Variants in GLE1 observed in about 807,000 individuals in gnomAD.
GLE1 encodes GLE1 RNA export mediator, also known as mRNA export factor GLE1.
GLE1 carries 78 observed loss-of-function variants against 97.3 expected under a neutral mutation model. That is an observed-to-expected ratio of 0.80 (90% CI 0.67 to 0.97). GLE1 has a LOEUF of 0.97. GLE1 is among the 50% of genes least tolerant of loss of function. The pLI is 0.00. For synonymous variants in GLE1, 302 were observed against 313.4 expected (o/e 0.96, Z 0.39); for missense variants, 753 against 857.5 (o/e 0.88, Z 1.52).
chr9:128,541,208 A>C lies in GLE1; in HGVS notation c.*38A>C. The C allele has an allele frequency of 8.8e-7, 1 of 1,140,570 alleles. No homozygotes were observed. Among genetic ancestry groups the C allele is most frequent in the South Asian group, 1.2e-5 (1 of 81,676 alleles). 70.7% of individuals were successfully genotyped at this position (1,140,570 alleles called of 1,614,324 possible). A position where few individuals can be genotyped will look rare whatever the true frequency, so the allele number is the denominator to read the frequency against. ...ACCCACCATCACCGCTGCTGCAAAG[A>C]GGCAATAATAAAGGAACTGAAGACA... On this transcript the variant is annotated 3_prime_UTR_variant, in exon 16 of 16. Transcript: ENST00000309971.
chr9:128,526,865 T>G (rs1847315078), intron 7 of GLE1, among the ~76,000 whole-genome samples: 1 of 152,130 alleles, frequency 6.6e-6, no homozygotes, highest in South Asian at 2.1e-4. Flanking sequence ...AGATGGGATT[T>G]CACCATGTTG....
intron 1 of GLE1, 127 bp downstream of exon 1, chr9:128,505,031 T>A: frequency 1.4e-6 from 1 of 699,290 alleles, no homozygotes. Flanking sequence ...ATTTCTTGAC[T>A]TCTGTGTGTA....
rs117416519 is a variant in GLE1 at position 128,515,114 on chromosome 9, C to T, written c.322-415C>T. Among the ~76,000 whole-genome samples, 1,465 of 152,248 alleles carry T rather than the reference C, an allele frequency of 9.6e-3. 32 individuals are homozygous for T. Among genetic ancestry groups the T allele is most frequent in the East Asian group, 0.073 (380 of 5,174 alleles). ...GATTACAGGCGTGAGCCACCACACC[C>T]GGCCTGAGGATAGAGTACTTTGATA... On this transcript the variant is annotated intron_variant, in intron 2 of 15. Coordinates refer to ENST00000309971, the MANE Select transcript of GLE1 (RefSeq NM_001003722.2).
chr9:128,537,056 G>A (rs908620986), intron 12 of GLE1: 1 of 156,802 alleles, frequency 6.4e-6, no homozygotes, highest in African/African-American at 2.4e-5. Context: ...TAAATAAAAT[G>A]TCAATAAGGC....
chr9:128,537,445 C>A (rs1589076778), intron 12 of GLE1, among the ~76,000 whole-genome samples: 1 of 109,470 alleles, frequency 9.1e-6, no homozygotes, highest in African/African-American at 3.8e-5. Flanking sequence ...AAGAGCAAAA[C>A]TCTCCCTCAA....
In GLE1 at chr9:128,541,135, A is replaced by G; in HGVS notation, c.2062A>G (p.Lys688Glu). The G allele has an allele frequency of 6.3e-7, 1 of 1,595,440 alleles. No homozygotes were observed. The change falls in exon 16 of 16, where the codon AAG becomes GAG. Residue 688 changes from lysine to glutamate, a missense_variant. By Grantham distance (56) the Lys-to-Glu change is moderately conservative. Coordinates refer to ENST00000309971, the MANE Select transcript of GLE1 (RefSeq NM_001003722.2). The stretch of plus-strand genomic sequence containing the variant: ...GCAACACAAGGACATTCCTGTCCCC[A>G]AGGGCTTTCTGACTTCCTCCTTCTG... ...CLQHKDIPVP[K>E]GFLTSSFWRS
chr9:128,512,996 G>C (rs974481152), intron 2 of GLE1, among the ~76,000 whole-genome samples: 1 of 152,092 alleles, frequency 6.6e-6, no homozygotes, highest in Non-Finnish European at 1.5e-5. Context: ...GAGCCACTGC[G>C]CCTGGCCTAA....
At chr9:128,540,419 G>A (rs1237569716) in intron 15 of GLE1, 81 bp downstream of exon 15, 7 of 855,824 alleles carry the variant, frequency 8.2e-6, no homozygotes, top group African/African-American at 1.7e-5. Context: ...TGGACCTTCC[G>A]ATGCTCTGAT....
At chr9:128,532,308 TG>T (rs1193271036) in intron 9 of GLE1, among the ~76,000 whole-genome samples, 1 of 141,822 alleles carries the variant, frequency 7.1e-6, no homozygotes, top group Non-Finnish European at 1.5e-5. Context: ...CACTGTAACC[TG>T]CGCTTCCTGG....
chr9:128,515,120 G>C (rs1846943519), intron 2 of GLE1, among the ~76,000 whole-genome samples: 1 of 152,058 alleles, frequency 6.6e-6, no homozygotes, highest in African/African-American at 2.4e-5. Flanking sequence ...CACCCGGCCT[G>C]AGGATAGAGT....
At chr9:128,526,581 A>C (rs1847305954) in intron 7 of GLE1, among the ~76,000 whole-genome samples, 1 of 150,786 alleles carries the variant, frequency 6.6e-6, no homozygotes, top group African/African-American at 2.4e-5. Context: ...CTGGTTTCGA[A>C]CTCCCGACCT....
At chr9:128,519,656 T>G (rs1280800382) in intron 3 of GLE1, among the ~76,000 whole-genome samples, 2 of 152,230 alleles carry the variant, frequency 1.3e-5, no homozygotes, top group African/African-American at 4.8e-5. Context: ...GGTCCTGTGG[T>G]CCTGTGGTCC....
intron 2 of GLE1, among the ~76,000 whole-genome samples, chr9:128,514,506 G>A (rs1235512446): frequency 2.1e-5 from 3 of 144,762 alleles, no homozygotes; most frequent in Admixed American, 1.4e-4. Context: ...GCAGTCGTAC[G>A]ATCTCTGCGC....
chr9:128,538,594 C>T (rs1425816691), intron 13 of GLE1, among the ~76,000 whole-genome samples: 2 of 152,128 alleles, frequency 1.3e-5, no homozygotes, highest in Non-Finnish European at 2.9e-5. Flanking sequence ...GTCATGAGTT[C>T]AAGACGAGCC....
intron 2 of GLE1, among the ~76,000 whole-genome samples, chr9:128,514,568 G>A (rs113858892): frequency 5.3e-5 from 8 of 150,016 alleles, no homozygotes; most frequent in African/African-American, 9.8e-5. Flanking sequence ...TCAGCCTCCC[G>A]AGTAGCTGGG....
intron 2 of GLE1, among the ~76,000 whole-genome samples, chr9:128,514,806 T>TG (rs1846932376): frequency 6.6e-6 from 1 of 151,810 alleles, no homozygotes. Flanking sequence ...CCCAAAGTGC[T>TG]GGGGAAAAAG....
rs765678276 is a variant in GLE1, at chr9:128,508,986, G to T, written c.210G>T (p.Ser70=). Reference sequence around the variant, plus strand: ...AGAACCAACCTCTGTCTGAGACTTCGCCATCCTCTACGTCAGCTTCAGCCC... The same window carrying T: ...AGAACCAACCTCTGTCTGAGACTTCTCCATCCTCTACGTCAGCTTCAGCCC... ...MQENQPLSET[S]PSSTSASALD... Residue 70 remains serine, a synonymous_variant, in exon 2 of 16, where the codon TCG becomes TCT. Transcript: ENST00000309971. 1 of 1,611,108 alleles carries T rather than the reference G, an allele frequency of 6.2e-7. No homozygotes were observed. Among genetic ancestry groups the T allele is most frequent in the Non-Finnish European group, 8.5e-7 (1 of 1,177,800 alleles).
Position 128,527,241 on chromosome 9 carries a change from A to G in GLE1, c.1192A>G (p.Met398Val), listed in dbSNP as rs1274248245. 36 of 1,611,818 alleles carry G rather than the reference A, an allele frequency of 2.2e-5. No homozygotes were observed. The highest frequency in any genetic ancestry group is 2.8e-5 in the Non-Finnish European group (33 of 1,177,984). ...QWYQQLQDAS[M>V]QCVLTFEGLT... ...GTACCAGCAGCTGCAGGATGCTTCCATGCAGTGTGTGTTGACCTTTGAGGG... is the reference window on the plus strand; with the variant it reads ...GTACCAGCAGCTGCAGGATGCTTCCGTGCAGTGTGTGTTGACCTTTGAGGG... Residue 398 changes from methionine to valine, a missense_variant, in exon 8 of 16, where the codon ATG (methionine) becomes GTG (valine). Met to Val is a conservative substitution (Grantham distance 21). Coordinates refer to ENST00000309971, the MANE Select transcript of GLE1 (RefSeq NM_001003722.2).
rs1847206642 is a variant in GLE1 at position 128,523,317 on chromosome 9, G to A, written c.619G>A (p.Ala207Thr). 1 of 1,613,498 alleles carries A rather than the reference G, an allele frequency of 6.2e-7. No homozygotes were observed. Among genetic ancestry groups the A allele is most frequent in the South Asian group, 1.1e-5 (1 of 91,078 alleles). Residue 207 changes from alanine to threonine, a missense_variant, in exon 5 of 16, where the codon GCT (alanine) becomes ACT (threonine). By Grantham distance (58) the Ala-to-Thr change is moderately conservative. Coordinates refer to ENST00000309971, the MANE Select transcript of GLE1 (RefSeq NM_001003722.2). ...EALGHQEKLK[A>T]EHRHRAKILN... ...CTTGGGACACCAAGAGAAGCTAAAA[G>A]CTGAGCACCGTCACAGAGCAAAGGT...
Sources: gnomAD v4.1 joint callset for allele counts (sites outside exome capture counted in the v4.1 genomes callset) on GRCh38, gnomAD v4.1.1 for gene constraint, MANE v1.5 for transcripts, NCBI Gene and HGNC (gene_info 2026-07-23, HGNC 2026-07-21) for gene names.